The following ADAM22 variants were observed in gnomAD, a reference collection of about 807,000 sequenced individuals.
ADAM22 encodes disintegrin and metalloproteinase domain-containing protein 22.
In ADAM22, 65 loss-of-function variants were observed where a neutral mutation model predicts 144.6. The observed-to-expected ratio is 0.45, with a 90% CI of 0.37 to 0.55. The LOEUF (loss-of-function observed/expected upper bound fraction) is 0.55, where lower values mean the gene tolerates loss of function less well. Ranked by LOEUF, ADAM22 falls within the 20% of genes least tolerant of loss-of-function variation. The pLI, the probability that ADAM22 is intolerant of heterozygous loss-of-function variation, is 0.00. For missense variants in ADAM22, 974 were observed against 1,184.9 expected, an observed-to-expected ratio of 0.82 and a Z score of 2.61; for synonymous variants, 391 against 412.6, an observed-to-expected ratio of 0.95 and a Z score of 0.63.
rs1851182052 is a variant in ADAM22, at chr7:88,201,224, C to T, written c.*4733C>T. 2 of 152,168 alleles carry T rather than the reference C, an allele frequency of 1.3e-5. No homozygotes were observed. The highest frequency in any genetic ancestry group is 1.3e-4 in the Admixed American group (2 of 15,280). 9.4% of individuals were successfully genotyped at this position (152,168 alleles called of 1,614,324 possible). On this transcript the variant is annotated 3_prime_UTR_variant, in exon 32 of 32. Transcript: ENST00000413139. ...TTCAAAACCAAAAACCTAATTAGTA[C>T]TTTTGTCCTTTATATCCCTAGGATG...
intron 4 of ADAM22, among the ~76,000 whole-genome samples, chr7:88,106,689 A>G (rs1276523828): frequency 6.6e-6 from 1 of 152,198 alleles, no homozygotes; most frequent in Non-Finnish European, 1.5e-5. Context: ...CATTTAGAGA[A>G]GAGCTTCTCG....
chr7:88,060,469 C>T (rs1453419852), intron 3 of ADAM22, among the ~76,000 whole-genome samples: 1 of 152,078 alleles, frequency 6.6e-6, no homozygotes, highest in Non-Finnish European at 1.5e-5. Flanking sequence ...TAGATTCTGC[C>T]TTAAAAATAC....
intron 3 of ADAM22, among the ~76,000 whole-genome samples, chr7:88,015,361 A>G (rs1796331177): frequency 1.3e-5 from 2 of 152,212 alleles, no homozygotes; most frequent in South Asian, 4.1e-4. Flanking sequence ...TTCATGCCAT[A>G]TTATAGCAAA....
chr7:88,040,533 T>C (rs1802874757), intron 3 of ADAM22, among the ~76,000 whole-genome samples: 1 of 152,114 alleles, frequency 6.6e-6, no homozygotes, highest in Non-Finnish European at 1.5e-5. Flanking sequence ...TCCCCTGTCA[T>C]CCAAGTTTAT....
At chr7:87,972,302 G>T (rs1850658436) in intron 2 of ADAM22, among the ~76,000 whole-genome samples, 1 of 151,074 alleles carries the variant, frequency 6.6e-6, no homozygotes, top group Non-Finnish European at 1.5e-5. Context: ...GACAAACAGA[G>T]AGCCAAATCA....
intron 3 of ADAM22, among the ~76,000 whole-genome samples, chr7:88,047,187 A>G (rs1304893987): frequency 3.3e-5 from 5 of 152,204 alleles, no homozygotes; most frequent in African/African-American, 1.2e-4. Flanking sequence ...AGTTCCTGGC[A>G]CACCATAAAT....
chr7:88,140,791 A>C (rs1834383297), intron 14 of ADAM22, among the ~76,000 whole-genome samples: 1 of 151,938 alleles, frequency 6.6e-6, no homozygotes, highest in East Asian at 1.9e-4. Context: ...AGTGGAGATC[A>C]CACCACTGCA....
In ADAM22 at chr7:88,144,433, C is replaced by T. The variant is rs189457311; in HGVS notation, c.1321-692C>T. ...CTCTTGGACAGGCCAAAATTTGCTT[C>T]AATCTCTGGGGAAAATTTAATTTTA... On this transcript the variant is annotated intron_variant, in intron 15 of 31. Coordinates refer to ENST00000413139, the MANE Select transcript of ADAM22 (RefSeq NM_001324418.2). Among the ~76,000 whole-genome samples, 665 of 152,236 alleles carry T rather than the reference C, an allele frequency of 4.4e-3. 5 individuals carry two copies. Among genetic ancestry groups the T allele is most frequent in the Non-Finnish European group, 7.7e-3 (523 of 67,998 alleles).
chr7:88,149,001 C>A lies in ADAM22; in HGVS notation c.1510C>A (p.Arg504=). 3 of 1,611,636 alleles carry A rather than the reference C, an allele frequency of 1.9e-6. No individual in the cohort carries two copies. In the South Asian group the frequency reaches 3.3e-5, roughly 18 times the overall value. The change falls in exon 18 of 32, where the codon CGA becomes AGA. Residue 504 remains arginine (R), a synonymous_variant. Transcript: ENST00000413139. ...CKFQPMGTVC[R]EAVNDCDIRE... ...GTTTCAGCCTATGGGCACTGTGTGC[C>A]GAGAAGCAGTAAATGATTGTGATAT...
chr7:88,083,266 C>T (rs923472231), intron 4 of ADAM22, among the ~76,000 whole-genome samples: 1 of 151,932 alleles, frequency 6.6e-6, no homozygotes, highest in Non-Finnish European at 1.5e-5. Context: ...CATGTTCTCA[C>T]TCATAGGTGA....
In ADAM22 at chr7:87,934,298, A is replaced by G; in HGVS notation, c.-168A>G. 2 of 592,016 alleles carry G rather than the reference A, an allele frequency of 3.4e-6. No individual in the cohort carries two copies. The highest frequency in any genetic ancestry group is 2.8e-6 in the Non-Finnish European group (1 of 351,154). 36.7% of individuals were successfully genotyped at this position (592,016 alleles called of 1,614,324 possible). A position where few individuals can be genotyped will look rare whatever the true frequency, so the allele number is the denominator to read the frequency against. On this transcript the variant is annotated 5_prime_UTR_variant, in exon 1 of 32. Coordinates refer to ENST00000413139, the MANE Select transcript of ADAM22 (RefSeq NM_001324418.2). Reference sequence around the variant, plus strand: ...CGGAAGCGTCCGCGAAGCACAATGCAGCACTGAGCCGCGGTGGAGGTTGCA... The same window carrying G: ...CGGAAGCGTCCGCGAAGCACAATGCGGCACTGAGCCGCGGTGGAGGTTGCA...
intron 2 of ADAM22, among the ~76,000 whole-genome samples, chr7:87,944,797 T>C (rs1843178338): frequency 6.6e-6 from 1 of 150,740 alleles, no homozygotes; most frequent in South Asian, 2.1e-4. Flanking sequence ...GTGTCTTAGG[T>C]CTTTAAAGGG....
intron 3 of ADAM22, among the ~76,000 whole-genome samples, chr7:88,025,083 G>T (rs189680558): frequency 4.2e-4 from 64 of 152,066 alleles, no homozygotes; most frequent in Admixed American, 1.6e-3. Context: ...GGGATGGCTG[G>T]GTCAAATGGT....
intron 23 of ADAM22, among the ~76,000 whole-genome samples, chr7:88,164,924 G>T (rs557226265): frequency 6.6e-6 from 1 of 152,124 alleles, no homozygotes; most frequent in East Asian, 1.9e-4. Context: ...ATCAAATCCA[G>T]GCCTTTTGAT....
intron 3 of ADAM22, among the ~76,000 whole-genome samples, chr7:88,052,001 C>T (rs1258442242): frequency 1.3e-5 from 2 of 152,122 alleles, no homozygotes; most frequent in East Asian, 3.9e-4. Context: ...TTTAACTTGC[C>T]AGACTGCTTA....
chr7:88,103,848 G>C (rs993908102), intron 4 of ADAM22, among the ~76,000 whole-genome samples: 8 of 152,146 alleles, frequency 5.3e-5, no homozygotes, highest in African/African-American at 1.9e-4. Flanking sequence ...AAGTTGGTTT[G>C]TTAGTGGTCT....
chr7:88,025,132 C>A (rs1798729944), intron 3 of ADAM22, among the ~76,000 whole-genome samples: 1 of 152,194 alleles, frequency 6.6e-6, no homozygotes, highest in Admixed American at 6.5e-5. Flanking sequence ...GCCACACTGA[C>A]TTCCACAATG....
At chr7:88,113,872 A>G (rs1826988067) in intron 5 of ADAM22, among the ~76,000 whole-genome samples, 1 of 150,816 alleles carries the variant, frequency 6.6e-6, no homozygotes, top group Non-Finnish European at 1.5e-5. Context: ...GAAGGAATGC[A>G]TGAATGGAGG....
intron 30 of ADAM22, among the ~76,000 whole-genome samples, chr7:88,189,884 T>C (rs573128341): frequency 2.1e-4 from 31 of 150,960 alleles, no homozygotes; most frequent in African/African-American, 7.5e-4. Context: ...GCGGAGGTTG[T>C]AGTGAGCCGA....
Sources: gnomAD v4.1 joint callset for allele counts (sites outside exome capture counted in the v4.1 genomes callset) on GRCh38, gnomAD v4.1.1 for gene constraint, MANE v1.5 for transcripts, NCBI Gene and HGNC (gene_info 2026-07-23, HGNC 2026-07-21) for gene names.